The following GPM6B variants were observed in gnomAD, a reference collection of about 807,000 sequenced individuals.
GPM6B encodes glycoprotein M6B.
Under a neutral mutation model 27.2 loss-of-function variants are expected in GPM6B, and 4 were observed. That is an observed-to-expected ratio of 0.15 (90% CI 0.07 to 0.34). GPM6B has a LOEUF of 0.34. GPM6B is among the 10% of genes least tolerant of loss of function. The pLI is 1.00. For missense variants in GPM6B, 183 were observed against 261.9 expected (o/e 0.70, Z 2.08); for synonymous variants, 124 against 103.1 (o/e 1.20, Z -1.23).
At chrX:13,891,071 A>G (rs998053709) in intron 1 of GPM6B, among the ~76,000 whole-genome samples, 2 of 111,481 alleles carry the variant, frequency 1.8e-5, no homozygotes, top group African/African-American at 6.5e-5. Flanking sequence ...GCCAAGGTTG[A>G]GAGCCACTGA....
intron 1 of GPM6B, among the ~76,000 whole-genome samples, chrX:13,895,854 A>C (rs1281732158): frequency 9.1e-6 from 1 of 109,609 alleles, no homozygotes; most frequent in Non-Finnish European, 1.9e-5. Context: ...GAAAAATCTT[A>C]AATATGGGAC....
intron 1 of GPM6B, among the ~76,000 whole-genome samples, chrX:13,835,723 T>C (rs924217750): frequency 7.1e-4 from 80 of 112,413 alleles, no homozygotes; most frequent in Non-Finnish European, 1.3e-3. Flanking sequence ...AAGCTGTCTA[T>C]ACAGGATTTT....
chrX:13,902,105 G>A (rs142467796), intron 1 of GPM6B, among the ~76,000 whole-genome samples: 1 of 111,313 alleles, frequency 9.0e-6, no homozygotes, highest in East Asian at 2.8e-4. Context: ...ATAAGTGTGT[G>A]GTTTTCCTGG....
At chrX:13,791,629 T>C (rs1053673683) in intron 2 of GPM6B, among the ~76,000 whole-genome samples, 2 of 111,086 alleles carry the variant, frequency 1.8e-5, no homozygotes, top group East Asian at 5.6e-4. Context: ...AAAAAAAAAA[T>C]ACACATCAAT....
At chrX:13,905,242 A>AAAAAAAAAAG (rs1300353393) in intron 1 of GPM6B, among the ~76,000 whole-genome samples, 1 of 107,863 alleles carries the variant, frequency 9.3e-6, no homozygotes, top group African/African-American at 3.4e-5. Context: ...AAAAAAAAAA[A>AAAAAAAAAAG]AAAAGAAAAG....
chrX:13,902,905 A>G (rs2068141756), intron 1 of GPM6B, among the ~76,000 whole-genome samples: 2 of 111,878 alleles, frequency 1.8e-5, no homozygotes, highest in South Asian at 7.6e-4. Context: ...CGGGAGACTC[A>G]ACGAAAGAGG....
At chrX:13,819,208 T>TTCA (rs2049280995), upstream of GPM6B, among the ~76,000 whole-genome samples, 1 of 112,479 alleles carries the variant, frequency 8.9e-6, no homozygotes, top group South Asian at 3.7e-4. Flanking sequence ...GATTCACAAC[T>TTCA]TCATCATTTT....
At chrX:13,849,998 G>A (rs2049696473) in intron 1 of GPM6B, among the ~76,000 whole-genome samples, 1 of 111,933 alleles carries the variant, frequency 8.9e-6, no homozygotes, top group Admixed American at 9.4e-5. Flanking sequence ...AGGAGAGGCT[G>A]CAGTGAGCCG....
At chrX:13,865,542 CAA>C (rs1171503867) in intron 1 of GPM6B, among the ~76,000 whole-genome samples, 51 of 14,625 alleles carry the variant, frequency 3.5e-3, no homozygotes, top group South Asian at 8.7e-3. Flanking sequence ...TCCATCTCTT[CAA>C]AAAAAAAAAA....
chrX:13,926,938 A>G (rs1244592083), intron 1 of GPM6B, among the ~76,000 whole-genome samples: 1 of 112,002 alleles, frequency 8.9e-6, no homozygotes, highest in African/African-American at 3.2e-5. Context: ...ACTTTATTAC[A>G]ATAAAAAAGA....
intron 1 of GPM6B, among the ~76,000 whole-genome samples, chrX:13,893,123 G>A (rs2050202813): frequency 8.9e-6 from 1 of 111,807 alleles, no homozygotes; most frequent in South Asian, 3.7e-4. Flanking sequence ...GTCATGCTTT[G>A]CCAAACTCTG....
upstream of GPM6B, among the ~76,000 whole-genome samples, chrX:13,822,140 T>G (rs750025334): frequency 8.1e-5 from 9 of 111,187 alleles, no homozygotes; most frequent in Admixed American, 7.6e-4. Flanking sequence ...TACTAATACC[T>G]CTGCAATTTT....
rs1361329535 is a variant in GPM6B at position 13,799,197 on chromosome X, T to A, written c.181+8453A>T. On this transcript the variant is annotated intron_variant, in intron 2 of 7. Transcript: ENST00000316715. ...CCTCGATTAGCCAACCTAATTTTTT[T>A]TTTTTTTTTTTTTTTTTTTTTTTTT... 8.9e-3 allele frequency among the ~76,000 whole-genome samples: 90 copies of A among 10,107 alleles called. 2 individuals carry two copies. The highest frequency in any genetic ancestry group is 0.036 in the African/African-American group (82 of 2,261). The allele number at this position is 10,107 out of a possible 115,157, so 8.8% of individuals were successfully genotyped here.
intron 1 of GPM6B, among the ~76,000 whole-genome samples, chrX:13,867,317 C>G (rs1052724780): frequency 1.8e-5 from 2 of 111,032 alleles, no homozygotes; most frequent in African/African-American, 6.6e-5. Flanking sequence ...GCCACGTTGC[C>G]CCAGCTGGTC....
chrX:13,865,524 G>A (rs6654093), intron 1 of GPM6B, among the ~76,000 whole-genome samples: 4,721 of 41,088 alleles, frequency 0.11, 478 homozygotes, highest in African/African-American at 0.34. Context: ...TGGACCACAC[G>A]GTAAAAATCC....
Position 13,852,298 on chromosome X carries a change from A to G in GPM6B, c.-197-66490T>C, listed in dbSNP as rs188918318. ...CCATACCTGATGTAAACAAAGAGAA[A>G]ATTAAGTATGTAAAATTTTTATTTC... On this transcript the variant is annotated intron_variant, in intron 1 of 6. Coordinates refer to the GPM6B transcript ENST00000398361. Among the ~76,000 whole-genome samples, 1,099 of 111,631 alleles carry G rather than the reference A, an allele frequency of 9.8e-3. 21 individuals carry two copies. Among genetic ancestry groups the G allele is most frequent in the African/African-American group, 0.034 (1,041 of 30,664 alleles).
At chrX:13,920,011 C>T (rs1368507894) in intron 1 of GPM6B, among the ~76,000 whole-genome samples, 4 of 110,827 alleles carry the variant, frequency 3.6e-5, no homozygotes, top group Non-Finnish European at 5.7e-5. Flanking sequence ...AGCCTGTAAT[C>T]CCAGCACTTT....
intron 1 of GPM6B, among the ~76,000 whole-genome samples, chrX:13,810,229 C>G: frequency 8.9e-6 from 1 of 112,051 alleles, no homozygotes; most frequent in East Asian, 2.8e-4. Flanking sequence ...GGCAAGAAAA[C>G]CCAGTGGGGC....
intron 3 of GPM6B, 154 bp from the exon 4 acceptor site, chrX:13,783,675 C>A: frequency 4.0e-6 from 2 of 497,254 alleles, no homozygotes; most frequent in Non-Finnish European, 6.9e-6. Context: ...GCATCCTGGG[C>A]GGCATCCCTG....
Sources: allele counts gnomAD v4.1 joint callset (sites outside exome capture counted in the v4.1 genomes callset), GRCh38; gene constraint gnomAD v4.1.1; transcripts MANE v1.5; gene names NCBI Gene and HGNC (gene_info 2026-07-23, HGNC 2026-07-21).